The following CDH13 variants were observed in gnomAD, a reference collection of about 807,000 sequenced individuals.
CDH13 encodes the protein cadherin 13, also known as cadherin-13.
In CDH13, 24 loss-of-function variants were observed where a neutral mutation model predicts 63.8. The observed-to-expected ratio is 0.38, with a 90% CI of 0.27 to 0.53. The LOEUF (loss-of-function observed/expected upper bound fraction) is 0.53. Ranked by LOEUF, CDH13 falls within the 20% of genes least tolerant of loss-of-function variation. The pLI, the probability that CDH13 is intolerant of heterozygous loss-of-function variation, is 0.85. For missense variants in CDH13, 1,049 were observed against 903.1 expected, an observed-to-expected ratio of 1.16 and a Z score of -2.07; for synonymous variants, 503 against 355.3, an observed-to-expected ratio of 1.42 and a Z score of -4.67.
chr16:82,630,673 G>T (rs1281545840), intron 1 of CDH13, among the ~76,000 whole-genome samples: 3 of 152,226 alleles, frequency 2.0e-5, no homozygotes, highest in African/African-American at 7.2e-5. Flanking sequence ...GTGTAGCTAG[G>T]TTCTTGAAAA....
intron 2 of CDH13, among the ~76,000 whole-genome samples, chr16:82,914,729 T>G (rs1181519800): frequency 6.6e-6 from 1 of 152,238 alleles, no homozygotes; most frequent in South Asian, 2.1e-4. Flanking sequence ...ACGGCTGTCC[T>G]GGCGTCCACA....
chr16:82,920,244 C>A (rs1216516343), intron 2 of CDH13, among the ~76,000 whole-genome samples: 1 of 152,186 alleles, frequency 6.6e-6, no homozygotes, highest in Non-Finnish European at 1.5e-5. Context: ...CCATGCGTCA[C>A]CCCTTCCCAA....
At chr16:83,557,965 G>A (rs1409967006) in intron 7 of CDH13, among the ~76,000 whole-genome samples, 4 of 152,192 alleles carry the variant, frequency 2.6e-5, no homozygotes, top group African/African-American at 7.2e-5. Flanking sequence ...CCACAGGGAA[G>A]ATTGCTTTTC....
intron 11 of CDH13, among the ~76,000 whole-genome samples, chr16:83,760,938 G>T (rs1376994316): frequency 6.6e-6 from 1 of 152,172 alleles, no homozygotes; most frequent in Admixed American, 6.5e-5. Context: ...CAGGAAAGGT[G>T]AGTGATAAGA....
At chr16:83,643,786 A>G (rs76494924) in intron 8 of CDH13, among the ~76,000 whole-genome samples, 21 of 152,326 alleles carry the variant, frequency 1.4e-4, no homozygotes, top group African/African-American at 4.6e-4. Flanking sequence ...CTGCAAATTC[A>G]TAGTTTACTT....
At chr16:83,574,936 C>G (rs1371124704) in intron 7 of CDH13, among the ~76,000 whole-genome samples, 1 of 152,048 alleles carries the variant, frequency 6.6e-6, no homozygotes, top group Non-Finnish European at 1.5e-5. Context: ...ACAGAGAAAC[C>G]ATGAACATGA....
At chr16:83,291,366 C>T (rs1042695001) in intron 5 of CDH13, among the ~76,000 whole-genome samples, 1 of 151,818 alleles carries the variant, frequency 6.6e-6, no homozygotes, top group African/African-American at 2.4e-5. Context: ...CTTATTGTAC[C>T]CCCGCTTTGT....
At chr16:83,320,764 T>C (rs1302313177) in intron 5 of CDH13, among the ~76,000 whole-genome samples, 1 of 152,112 alleles carries the variant, frequency 6.6e-6, no homozygotes, top group Non-Finnish European at 1.5e-5. Context: ...GCGCAAGGAA[T>C]GAGAAAAAGC....
intron 1 of CDH13, among the ~76,000 whole-genome samples, chr16:82,689,500 G>A (rs910851525): frequency 6.6e-6 from 1 of 152,066 alleles, no homozygotes; most frequent in Non-Finnish European, 1.5e-5. Flanking sequence ...CACAATCTAG[G>A]TTTATTTTTG....
intron 1 of CDH13, among the ~76,000 whole-genome samples, chr16:82,706,991 T>G (rs2031545236): frequency 6.6e-6 from 1 of 152,150 alleles, no homozygotes; most frequent in South Asian, 2.1e-4. Context: ...AGTCCTCTTT[T>G]AAGGAAAGGA....
At chr16:83,363,250 C>T (rs1231905983) in intron 6 of CDH13, among the ~76,000 whole-genome samples, 2 of 152,184 alleles carry the variant, frequency 1.3e-5, no homozygotes, top group Non-Finnish European at 2.9e-5. Context: ...GCTTCTTGTG[C>T]TTCATTGACT....
At chr16:83,166,709 T>C (rs1374114421) in intron 4 of CDH13, among the ~76,000 whole-genome samples, 1 of 152,210 alleles carries the variant, frequency 6.6e-6, no homozygotes. Context: ...TTTGTGTCTT[T>C]TGAAGTTCAC....
intron 2 of CDH13, among the ~76,000 whole-genome samples, chr16:82,888,562 G>A (rs1393168971): frequency 6.6e-6 from 1 of 152,178 alleles, no homozygotes; most frequent in Non-Finnish European, 1.5e-5. Context: ...ATGCAGCACT[G>A]CTCCAGGAAC....
At chr16:83,232,545 C>CAAA (rs371820662) in intron 5 of CDH13, among the ~76,000 whole-genome samples, 3,771 of 106,956 alleles carry the variant, frequency 0.035, 186 homozygotes, top group African/African-American at 0.11. Context: ...ACAACAACAA[C>CAAA]AAACAAACAA....
chr16:82,910,758 G>T (rs970509376), intron 2 of CDH13, among the ~76,000 whole-genome samples: 9 of 152,128 alleles, frequency 5.9e-5, no homozygotes, highest in African/African-American at 2.2e-4. Context: ...TGTTTAAAAG[G>T]ATTACCTTTT....
intron 8 of CDH13, among the ~76,000 whole-genome samples, chr16:83,603,560 G>A (rs1797755417): frequency 6.6e-6 from 1 of 152,200 alleles, no homozygotes; most frequent in Non-Finnish European, 1.5e-5. Context: ...AGTCCTAACT[G>A]TGATGCTGTG....
chr16:83,071,435 T>C (rs975997390), intron 3 of CDH13, among the ~76,000 whole-genome samples: 4 of 152,152 alleles, frequency 2.6e-5, no homozygotes, highest in Non-Finnish European at 5.9e-5. Flanking sequence ...CTGACTACCA[T>C]GTAGCTCTTC....
chr16:83,222,287 A>T (rs1276605405), intron 5 of CDH13, among the ~76,000 whole-genome samples: 1 of 152,200 alleles, frequency 6.6e-6, no homozygotes, highest in Non-Finnish European at 1.5e-5. Flanking sequence ...CATAAAATTG[A>T]AATACAACTG....
chr16:83,105,117 T>C (rs950622973), intron 3 of CDH13, among the ~76,000 whole-genome samples: 4 of 152,184 alleles, frequency 2.6e-5, no homozygotes, highest in Admixed American at 1.3e-4. Flanking sequence ...ATCACCTAGA[T>C]ATGAAGCCCA....
Sources: gnomAD v4.1 joint callset for allele counts (sites outside exome capture counted in the v4.1 genomes callset) on GRCh38, gnomAD v4.1.1 for gene constraint, MANE v1.5 for transcripts, NCBI Gene and HGNC (gene_info 2026-07-23, HGNC 2026-07-21) for gene names.